The following BANK1 variants were observed in gnomAD, a reference collection of about 807,000 sequenced individuals.
BANK1 encodes the protein B cell scaffold protein with ankyrin repeats 1, also known as B-cell scaffold protein with ankyrin repeats.
In BANK1, 95 loss-of-function variants were observed where a neutral mutation model predicts 94.5. The observed-to-expected ratio is 1.00, with a 90% CI of 0.85 to 1.19. BANK1 has a LOEUF of 1.19. Ranked by LOEUF, BANK1 falls within the 50% of genes most tolerant of loss-of-function variation. The pLI is 0.00. For missense variants in BANK1, 987 were observed against 932.2 expected, an observed-to-expected ratio of 1.06 and a Z score of -0.77; for synonymous variants, 334 against 308.4, an observed-to-expected ratio of 1.08 and a Z score of -0.87.
intron 1 of BANK1, among the ~76,000 whole-genome samples, chr4:101,802,978 A>T (rs1487931643): frequency 6.6e-6 from 1 of 152,112 alleles, no homozygotes; most frequent in Non-Finnish European, 1.5e-5. Flanking sequence ...TTGGAAAAAA[A>T]ATTTCTGTGG....
chr4:101,819,919 AAAG>A (rs1371160077), intron 1 of BANK1, among the ~76,000 whole-genome samples: 2 of 152,188 alleles, frequency 1.3e-5, no homozygotes, highest in African/African-American at 4.8e-5. Context: ...AAGTTGTAGA[AAAG>A]AAGAGGAGAA....
At chr4:102,057,151 A>T (rs140751355) in intron 11 of BANK1, among the ~76,000 whole-genome samples, 1 of 152,188 alleles carries the variant, frequency 6.6e-6, no homozygotes, top group African/African-American at 2.4e-5. Flanking sequence ...ACCTGAGCTT[A>T]TATACCTACC....
At chr4:101,911,060 A>G (rs1166919747) in intron 6 of BANK1, among the ~76,000 whole-genome samples, 1 of 152,202 alleles carries the variant, frequency 6.6e-6, no homozygotes, top group Non-Finnish European at 1.5e-5. Context: ...CTTCCTGACA[A>G]TGATCCTGAG....
At chr4:101,875,688 C>T (rs1445586511) in intron 5 of BANK1, among the ~76,000 whole-genome samples, 1 of 152,146 alleles carries the variant, frequency 6.6e-6, no homozygotes, top group African/African-American at 2.4e-5. Flanking sequence ...CCATATAACC[C>T]ACTTGTGGAG....
intron 7 of BANK1, among the ~76,000 whole-genome samples, chr4:101,921,033 T>G (rs1023553262): frequency 2.4e-4 from 36 of 151,816 alleles, no homozygotes; most frequent in African/African-American, 8.2e-4. Context: ...TTACATTGCT[T>G]CATGACATTT....
intron 1 of BANK1, among the ~76,000 whole-genome samples, chr4:101,814,654 T>A (rs1380943767): frequency 6.6e-6 from 1 of 152,224 alleles, no homozygotes; most frequent in Non-Finnish European, 1.5e-5. Flanking sequence ...TGGCAATAGA[T>A]GATGTGAATT....
chr4:101,882,038 A>T (rs1022669125), intron 5 of BANK1, among the ~76,000 whole-genome samples: 1 of 152,092 alleles, frequency 6.6e-6, no homozygotes, highest in African/African-American at 2.4e-5. Flanking sequence ...GTCAACAGTA[A>T]TTTCATTGTA....
At chr4:101,813,850 T>C (rs1578331885) in intron 1 of BANK1, 1 of 985,432 alleles carries the variant, frequency 1.0e-6, no homozygotes. Flanking sequence ...CTGCAGAGGA[T>C]GCACACATCA....
chr4:102,025,909 T>G (rs1466980125), intron 9 of BANK1, among the ~76,000 whole-genome samples: 1 of 152,212 alleles, frequency 6.6e-6, no homozygotes, highest in Non-Finnish European at 1.5e-5. Context: ...AATACAACAT[T>G]GCTTTTAAAA....
intron 1 of BANK1, among the ~76,000 whole-genome samples, chr4:101,792,640 T>G (rs1290714017): frequency 6.6e-6 from 1 of 152,076 alleles, no homozygotes; most frequent in African/African-American, 2.4e-5. Context: ...ACCCATTCAT[T>G]AACTTAACAA....
At chr4:101,920,174 GA>G (rs1229892336) in intron 7 of BANK1, among the ~76,000 whole-genome samples, 1 of 151,872 alleles carries the variant, frequency 6.6e-6, no homozygotes, top group Non-Finnish European at 1.5e-5. Context: ...TGAACAGTGA[GA>G]ACCCTTGGAC....
chr4:101,919,685 A>G (rs922396976), intron 7 of BANK1, among the ~76,000 whole-genome samples: 6 of 151,980 alleles, frequency 3.9e-5, no homozygotes, highest in Admixed American at 1.3e-4. Flanking sequence ...ATAATTTTCT[A>G]TAGTATCTTT....
chr4:102,000,850 T>C (rs1365575630), intron 7 of BANK1, among the ~76,000 whole-genome samples: 1 of 152,218 alleles, frequency 6.6e-6, no homozygotes, highest in African/African-American at 2.4e-5. Context: ...GACTATAGGA[T>C]CCAACACATA....
intron 6 of BANK1, among the ~76,000 whole-genome samples, chr4:101,912,938 T>C (rs1322230884): frequency 2.0e-5 from 3 of 152,210 alleles, no homozygotes; most frequent in Non-Finnish European, 2.9e-5. Context: ...TCCTTACTAA[T>C]GAAGTAAAGT....
intron 7 of BANK1, among the ~76,000 whole-genome samples, chr4:101,964,862 C>A (rs1724692646): frequency 6.6e-6 from 1 of 150,572 alleles, no homozygotes; most frequent in Non-Finnish European, 1.5e-5. Context: ...TGTGCTGCAC[C>A]CACTAACTTG....
At chr4:102,049,690 T>C (rs1474300379) in intron 11 of BANK1, among the ~76,000 whole-genome samples, 3 of 152,122 alleles carry the variant, frequency 2.0e-5, no homozygotes, top group Admixed American at 1.3e-4. Flanking sequence ...TTAAACTGTC[T>C]CTTTAAAACC....
At chr4:101,929,422 A>G (rs1723272385) in intron 7 of BANK1, among the ~76,000 whole-genome samples, 1 of 151,678 alleles carries the variant, frequency 6.6e-6, no homozygotes, top group Non-Finnish European at 1.5e-5. Context: ...ATAAATTTTA[A>G]TATTTTAAAC....
intron 5 of BANK1, among the ~76,000 whole-genome samples, chr4:101,876,969 C>T (rs1728512313): frequency 6.6e-6 from 1 of 151,104 alleles, no homozygotes; most frequent in Admixed American, 6.6e-5. Flanking sequence ...AACTAGTGAG[C>T]TTGAAGACAG....
At chr4:101,965,034 C>T (rs902263627) in intron 7 of BANK1, among the ~76,000 whole-genome samples, 6 of 149,018 alleles carry the variant, frequency 4.0e-5, no homozygotes, top group Non-Finnish European at 8.9e-5. Context: ...TTTGTTCTTG[C>T]GATAGTTTAC....
Sources: allele counts gnomAD v4.1 joint callset (sites outside exome capture counted in the v4.1 genomes callset), GRCh38; gene constraint gnomAD v4.1.1; transcripts MANE v1.5; gene names NCBI Gene and HGNC (gene_info 2026-07-23, HGNC 2026-07-21).